The following SCARA5 variants were observed in gnomAD, a reference collection of about 807,000 sequenced individuals.
SCARA5 encodes the protein scavenger receptor class A member 5.
In SCARA5, 45 loss-of-function variants were observed where a neutral mutation model predicts 46.3. The ratio of observed to expected loss-of-function variants is 0.97; its 90% confidence interval spans 0.76 to 1.24. The LOEUF is 1.24. Among genes scored for constraint, SCARA5 ranks in the 50% most tolerant of loss-of-function variants. The pLI is 0.00. For synonymous variants in SCARA5, 333 were observed against 306.5 expected (o/e 1.09, Z -0.90); for missense variants, 680 against 689.0 (o/e 0.99, Z 0.15).
rs1807276204 is a variant in SCARA5, at chr8:27,907,148, C to T, written c.1096G>A (p.Gly366Ser). The T allele has an allele frequency of 3.7e-6, 6 of 1,611,508 alleles. No homozygotes were observed. The highest frequency in any genetic ancestry group is 5.1e-6 in the Non-Finnish European group (6 of 1,178,280). Residue 366 changes from glycine (G) to serine (S), a missense_variant and splice_region_variant, in exon 6 of 9, where the codon GGT (glycine) becomes AGT (serine). Gly to Ser is a moderately conservative substitution (Grantham distance 56). Around this residue, in one of 3 missense-constraint regions of SCARA5, gnomAD observed 219 missense variants for 269.5 expected, o/e 0.81. Transcript: ENST00000354914. Reference protein sequence around the residue: ...TGPMGMRGFKGDRGPKGEKGE... With the variant: ...TGPMGMRGFKSDRGPKGEKGE... ...CAGGGAGAACTGAGATTGTTATTAC[C>T]TTTGAACCCACGCATGCCCATTGGT...
At chr8:27,963,036 C>T (rs769755654) in intron 3 of SCARA5, among the ~76,000 whole-genome samples, 3 of 152,236 alleles carry the variant, frequency 2.0e-5, no homozygotes, top group Non-Finnish European at 2.9e-5. Context: ...TGCGATGCTG[C>T]AGCCTCACCC....
intron 8 of SCARA5, among the ~76,000 whole-genome samples, chr8:27,873,187 C>T (rs1318195116): frequency 6.6e-6 from 1 of 152,178 alleles, no homozygotes; most frequent in Non-Finnish European, 1.5e-5. Flanking sequence ...CTTCCTTCAG[C>T]TTAATCTCTC....
intron 2 of SCARA5, among the ~76,000 whole-genome samples, chr8:27,969,835 CT>C (rs1808422107): frequency 6.6e-6 from 1 of 152,084 alleles, no homozygotes; most frequent in African/African-American, 2.4e-5. Context: ...AAAACAAAGT[CT>C]ATTAAAAATA....
chr8:27,908,231 C>T (rs1807302127), intron 5 of SCARA5, among the ~76,000 whole-genome samples: 1 of 152,206 alleles, frequency 6.6e-6, no homozygotes, highest in Non-Finnish European at 1.5e-5. Flanking sequence ...CTTGCATACA[C>T]ACAGGGAGGT....
intron 2 of SCARA5, among the ~76,000 whole-genome samples, chr8:27,975,586 T>C (rs1181624618): frequency 6.6e-6 from 1 of 152,172 alleles, no homozygotes; most frequent in Non-Finnish European, 1.5e-5. Flanking sequence ...TGGCATCCGT[T>C]AGAGAACCCA....
chr8:27,907,593 G>T (rs1434399262), intron 5 of SCARA5, among the ~76,000 whole-genome samples: 2,164 of 40,854 alleles, frequency 0.053, 56 homozygotes, highest in African/African-American at 0.15. Flanking sequence ...TTTTTTTTTT[G>T]AGACAAAGTC....
intron 3 of SCARA5, among the ~76,000 whole-genome samples, chr8:27,956,114 T>C (rs1585512193): frequency 6.6e-6 from 1 of 152,278 alleles, no homozygotes; most frequent in African/African-American, 2.4e-5. Flanking sequence ...CTGATGGAAC[T>C]TGATGGCAGT....
intron 3 of SCARA5, among the ~76,000 whole-genome samples, chr8:27,942,986 A>G (rs1233971183): frequency 1.3e-5 from 2 of 152,204 alleles, no homozygotes; most frequent in African/African-American, 4.8e-5. Context: ...GAGAGTAAGA[A>G]GCATCCCTCT....
At chr8:27,941,797 C>CATTATTATT (rs1303612241) in intron 3 of SCARA5, among the ~76,000 whole-genome samples, 2 of 109,992 alleles carry the variant, frequency 1.8e-5, no homozygotes, top group African/African-American at 3.1e-5. Flanking sequence ...CCATTTACAT[C>CATTATTATT]ATCATTATTA....
intron 3 of SCARA5, among the ~76,000 whole-genome samples, chr8:27,955,827 G>A (rs1005041953): frequency 6.6e-6 from 1 of 152,178 alleles, no homozygotes; most frequent in Non-Finnish European, 1.5e-5. Context: ...AACTCTATGT[G>A]TCGACGACTG....
chr8:27,967,874 C>G (rs1433985560), intron 2 of SCARA5, among the ~76,000 whole-genome samples: 1 of 152,158 alleles, frequency 6.6e-6, no homozygotes, highest in Non-Finnish European at 1.5e-5. Flanking sequence ...GATCACGCCA[C>G]TGCACTCCAG....
chr8:27,913,256 AC>A (rs1391613866), intron 4 of SCARA5, among the ~76,000 whole-genome samples: 5 of 152,166 alleles, frequency 3.3e-5, no homozygotes, highest in Non-Finnish European at 7.3e-5. Context: ...AAAGGTGGGC[AC>A]CAATTCCCAA....
At chr8:27,962,387 G>A (rs751869828) in intron 3 of SCARA5, among the ~76,000 whole-genome samples, 2 of 152,202 alleles carry the variant, frequency 1.3e-5, no homozygotes, top group African/African-American at 2.4e-5. Context: ...AATAATTGGT[G>A]CATGGGTCCC....
rs150624683 is a variant in SCARA5 at position 27,904,829 on chromosome 8, G to T, written c.1102C>A (p.Arg368=). ...TCTCCTTTCTCTCCTTTTGGGCCTC[G>T]GTCACCTAAAACAGAGGAGGAAACT... The part of the protein sequence containing the change: ...PMGMRGFKGD[R]GPKGEKGEKG... Residue 368 remains arginine, a synonymous_variant, in exon 7 of 9, where the codon CGA becomes AGA. Coordinates refer to ENST00000354914, the MANE Select transcript of SCARA5 (RefSeq NM_173833.6). The T allele has an allele frequency of 6.2e-7, 1 of 1,608,186 alleles. No individual in the cohort carries two copies. The highest frequency in any genetic ancestry group is 1.7e-5 in the Admixed American group (1 of 59,068).
rs185896755 is a variant in SCARA5 at position 27,889,189 on chromosome 8, G to C, written c.1154-9423C>G. 1.5e-3 allele frequency among the ~76,000 whole-genome samples: 230 copies of C among 152,340 alleles called. 2 individuals carry two copies. Among genetic ancestry groups the C allele is most frequent in the African/African-American group, 5.3e-3 (221 of 41,570 alleles). On this transcript the variant is annotated intron_variant, in intron 7 of 8. Coordinates refer to ENST00000354914, the MANE Select transcript of SCARA5 (RefSeq NM_173833.6). Reference sequence around the variant, plus strand: ...TGAGGCACAGATGAGGCCAGGTCATGGAGAAGATCAAGGCATGGGTCTGGA... The same window carrying C: ...TGAGGCACAGATGAGGCCAGGTCATCGAGAAGATCAAGGCATGGGTCTGGA...
At chr8:27,889,060 C>A (rs1234020326) in intron 7 of SCARA5, among the ~76,000 whole-genome samples, 1 of 150,354 alleles carries the variant, frequency 6.7e-6, no homozygotes, top group Non-Finnish European at 1.5e-5. Flanking sequence ...CTGCCCTTCA[C>A]CCAGGCCCCA....
At chr8:27,894,084 G>A (rs1807025543) in intron 7 of SCARA5, among the ~76,000 whole-genome samples, 1 of 152,240 alleles carries the variant, frequency 6.6e-6, no homozygotes, top group Non-Finnish European at 1.5e-5. Flanking sequence ...AGGAGAGAAT[G>A]ATTATCTACT....
chr8:27,919,469 T>C (rs1807546801), intron 4 of SCARA5, among the ~76,000 whole-genome samples: 1 of 152,110 alleles, frequency 6.6e-6, no homozygotes, highest in African/African-American at 2.4e-5. Context: ...CACATGTTTC[T>C]GGTTTCGTTT....
intron 6 of SCARA5, among the ~76,000 whole-genome samples, chr8:27,905,539 A>AGGGGGTGG (rs1563519497): frequency 4.8e-5 from 2 of 41,610 alleles, no homozygotes; most frequent in Non-Finnish European, 1.5e-4. Flanking sequence ...GGGGAAAAAA[A>AGGGGGTGG]AAAGGCAGCC....
Sources: allele counts gnomAD v4.1 joint callset (sites outside exome capture counted in the v4.1 genomes callset), GRCh38; gene constraint gnomAD v4.1.1; regional missense constraint gnomAD v4.1.1; transcripts MANE v1.5; gene names NCBI Gene and HGNC (gene_info 2026-07-23, HGNC 2026-07-21).